Variants in CDH2 observed in about 807,000 individuals in gnomAD.
CDH2 encodes the protein cadherin 2, also known as cadherin-2.
A neutral mutation model predicts 92.0 loss-of-function variants in CDH2; 17 were observed. The observed-to-expected ratio is 0.18, with a 90% confidence interval of 0.13 to 0.28. The LOEUF (loss-of-function observed/expected upper bound fraction) is 0.28, where lower values mean the gene tolerates loss of function less well. Ranked by LOEUF, CDH2 falls within the 10% of genes least tolerant of loss-of-function variation. The pLI, the probability that CDH2 is intolerant of heterozygous loss-of-function variation, is 1.00. For synonymous variants in CDH2, 419 were observed against 415.9 expected, an observed-to-expected ratio of 1.01 and a Z score of -0.09; for missense variants, 862 against 1,133.1, an observed-to-expected ratio of 0.76 and a Z score of 3.44.
intron 7 of CDH2, among the ~76,000 whole-genome samples, chr18:27,994,363 C>T (rs2012517060): frequency 6.6e-6 from 1 of 152,152 alleles, no homozygotes; most frequent in Admixed American, 6.5e-5. Context: ...AATATTGATA[C>T]ATTTACATGT....
chr18:27,974,205 TA>T (rs1181737415), intron 14 of CDH2, among the ~76,000 whole-genome samples: 1 of 152,160 alleles, frequency 6.6e-6, no homozygotes, highest in African/African-American at 2.4e-5. Flanking sequence ...AAGACTTACT[TA>T]TTACTGTATA....
intron 2 of CDH2, among the ~76,000 whole-genome samples, chr18:28,109,211 A>G (rs1190103570): frequency 1.3e-5 from 2 of 152,226 alleles, no homozygotes; most frequent in African/African-American, 4.8e-5. Context: ...GAAACAAGGT[A>G]TCTATGCTGC....
chr18:27,950,156 C>T (rs1235739629), downstream of CDH2, among the ~76,000 whole-genome samples: 2 of 151,936 alleles, frequency 1.3e-5, no homozygotes, highest in Admixed American at 1.3e-4. Flanking sequence ...AAAGTATTGC[C>T]TACAAAGTGA....
intron 7 of CDH2, among the ~76,000 whole-genome samples, chr18:28,001,947 CATACATA>C (rs2144006721): frequency 6.6e-6 from 1 of 152,348 alleles, no homozygotes; most frequent in African/African-American, 2.4e-5. Context: ...CTCCTTTTGA[CATACATA>C]ATCTAAGTCT....
intron 1 of CDH2, among the ~76,000 whole-genome samples, chr18:28,166,930 C>G (rs1485434456): frequency 6.6e-6 from 1 of 152,054 alleles, no homozygotes; most frequent in African/African-American, 2.4e-5. Flanking sequence ...GGCAGACTCT[C>G]AGATCTTTAA....
chr18:28,136,428 C>T (rs529315560), intron 2 of CDH2, among the ~76,000 whole-genome samples: 11 of 149,592 alleles, frequency 7.4e-5, no homozygotes, highest in East Asian at 3.9e-4. Flanking sequence ...GAAGAATCTT[C>T]GTCGCAATTT....
intron 6 of CDH2, among the ~76,000 whole-genome samples, chr18:27,942,627 A>G (rs1434648558): frequency 6.6e-6 from 1 of 152,218 alleles, no homozygotes; most frequent in Admixed American, 6.5e-5. Flanking sequence ...TATCCAAGCT[A>G]TGCTGCATAA....
chr18:28,036,809 G>T (rs1381702080), intron 2 of CDH2, among the ~76,000 whole-genome samples: 1 of 152,046 alleles, frequency 6.6e-6, no homozygotes, highest in African/African-American at 2.4e-5. Context: ...AGCTCTACTG[G>T]TCCTTTTGTC....
At chr18:28,050,196 G>A (rs1250352146) in intron 2 of CDH2, among the ~76,000 whole-genome samples, 1 of 152,126 alleles carries the variant, frequency 6.6e-6, no homozygotes, top group African/African-American at 2.4e-5. Flanking sequence ...CATCACTGTG[G>A]CAAATGCTAA....
chr18:28,098,999 A>G (rs2015184135), intron 2 of CDH2, among the ~76,000 whole-genome samples: 1 of 152,210 alleles, frequency 6.6e-6, no homozygotes, highest in Non-Finnish European at 1.5e-5. Context: ...TAAGTAATCT[A>G]TAAACAGAAG....
intron 14 of CDH2, among the ~76,000 whole-genome samples, chr18:27,975,328 C>A (rs2011789802): frequency 6.6e-6 from 1 of 152,196 alleles, no homozygotes; most frequent in South Asian, 2.1e-4. Context: ...CCTCCTTTGC[C>A]CAGCATCAGC....
Position 28,021,712 on chromosome 18 carries a change from A to G in CDH2, c.173-7803T>C, listed in dbSNP as rs543066103. 4.6e-5 allele frequency among the ~76,000 whole-genome samples: 7 copies of G among 152,112 alleles called. No individual in the cohort carries two copies. The South Asian group carries it at 1.5e-3, about 32-fold the overall frequency. ...CAAGAAACCACAGATCTTATATATTAAATGTATTAGCATTTAACAGCACTA... is the reference window on the plus strand; with the variant it reads ...CAAGAAACCACAGATCTTATATATTGAATGTATTAGCATTTAACAGCACTA... On this transcript the variant is annotated intron_variant, in intron 2 of 15. Transcript: ENST00000269141.
Position 27,985,082 on chromosome 18 carries a change from G to A in CDH2, c.2127C>T (p.Cys709=), listed in dbSNP as rs1242990406. The A allele has an allele frequency of 1.2e-6, 2 of 1,614,004 alleles. No homozygotes were observed. Among genetic ancestry groups the A allele is most frequent in the Non-Finnish European group, 1.7e-6 (2 of 1,179,982 alleles). The part of the protein sequence containing the change: ...KVCQCDSNGD[C]TDVDRIVGAG... ...CACCCACAATCCTGTCCACATCTGT[G>A]CAGTCCCCGTTGGAGTCACACTGGC... The change falls in exon 13 of 16, where the codon TGC becomes TGT. Residue 709 remains cysteine (C), a synonymous_variant. Coordinates refer to ENST00000269141, the MANE Select transcript of CDH2 (RefSeq NM_001792.5).
At chr18:27,958,563 ATG>A (rs1476056937) in intron 15 of CDH2, among the ~76,000 whole-genome samples, 3 of 150,018 alleles carry the variant, frequency 2.0e-5, no homozygotes, top group Non-Finnish European at 4.4e-5. Flanking sequence ...ATATTTATAT[ATG>A]TGTATATTTG....
chr18:27,987,083 T>C (rs1048180477), intron 11 of CDH2, among the ~76,000 whole-genome samples: 1 of 152,182 alleles, frequency 6.6e-6, no homozygotes, highest in African/African-American at 2.4e-5. Context: ...TCAAAAGCCC[T>C]TTCAATTAGA....
At chr18:27,948,943 TG>T (rs1909343658), downstream of CDH2, among the ~76,000 whole-genome samples, 1 of 151,980 alleles carries the variant, frequency 6.6e-6, no homozygotes, top group Non-Finnish European at 1.5e-5. Flanking sequence ...TCTGTATGCA[TG>T]TTTTTTTATT....
intron 2 of CDH2, among the ~76,000 whole-genome samples, chr18:28,054,552 A>T (rs188521700): frequency 6.6e-6 from 1 of 152,314 alleles, no homozygotes; most frequent in Admixed American, 6.5e-5. Context: ...GATGTTCCAA[A>T]CTAAAAAACT....
intron 2 of CDH2, among the ~76,000 whole-genome samples, chr18:28,141,166 T>C (rs892486919): frequency 4.6e-5 from 7 of 151,754 alleles, no homozygotes; most frequent in African/African-American, 1.7e-4. Flanking sequence ...CCCTCAATTC[T>C]ACTCCCAGGT....
intron 2 of CDH2, among the ~76,000 whole-genome samples, chr18:28,132,201 G>A (rs1324049976): frequency 6.6e-6 from 1 of 152,190 alleles, no homozygotes; most frequent in East Asian, 1.9e-4. Context: ...GACCTTCAGT[G>A]AAACCCACTA....
Sources: gnomAD v4.1 joint callset for allele counts (sites outside exome capture counted in the v4.1 genomes callset) on GRCh38, gnomAD v4.1.1 for gene constraint, MANE v1.5 for transcripts, NCBI Gene and HGNC (gene_info 2026-07-23, HGNC 2026-07-21) for gene names.